Variants in CDH20 observed in about 807,000 individuals in gnomAD.
CDH20 encodes cadherin 20, also known as cadherin-20.
Under a neutral mutation model 74.2 loss-of-function variants are expected in CDH20, and 29 were observed. The observed-to-expected ratio is 0.39, with a 90% CI of 0.29 to 0.53. The LOEUF (loss-of-function observed/expected upper bound fraction) is 0.53. Ranked by LOEUF, CDH20 falls within the 20% of genes least tolerant of loss-of-function variation. CDH20 has a pLI of 0.69. For synonymous variants in CDH20, 469 were observed against 405.4 expected (o/e 1.16, Z -1.88); for missense variants, 988 against 1,048.3 (o/e 0.94, Z 0.79).
intron 1 of CDH20, among the ~76,000 whole-genome samples, chr18:61,431,163 C>A (rs1235093935): frequency 6.6e-6 from 1 of 152,144 alleles, no homozygotes; most frequent in African/African-American, 2.4e-5. Context: ...TGCCTTCCTG[C>A]AACCTCCCCT....
chr18:61,354,567 C>T lies in CDH20; in HGVS notation c.-153+20740C>T, dbSNP rs974770715. Among the ~76,000 whole-genome samples the T allele has an allele frequency of 3.3e-5, 5 of 152,010 alleles. No individual in the cohort carries two copies. In the East Asian group the frequency reaches 9.7e-4, roughly 29 times the overall value. On this transcript the variant is annotated intron_variant, in intron 1 of 11. Coordinates refer to ENST00000262717, the MANE Select transcript of CDH20 (RefSeq NM_031891.4). ...GAGGTTGTAGTGAGCCGAAATAGCA[C>T]CACTGCACTCCAGACTGGGCGACAG... is the stretch of plus-strand genomic sequence containing the variant.
chr18:61,370,958 A>G (rs1191626060), intron 1 of CDH20, among the ~76,000 whole-genome samples: 2 of 152,114 alleles, frequency 1.3e-5, no homozygotes, highest in Non-Finnish European at 1.5e-5. Context: ...TAGACTAGGC[A>G]TGTAGCCCCT....
chr18:61,546,587 G>C (rs928064667), intron 10 of CDH20, among the ~76,000 whole-genome samples: 6 of 152,020 alleles, frequency 3.9e-5, no homozygotes, highest in Non-Finnish European at 7.3e-5. Flanking sequence ...GGCAACCCTG[G>C]GGAGGGAAAA....
chr18:61,505,719 G>A (rs1412964316), intron 5 of CDH20, among the ~76,000 whole-genome samples: 3 of 152,174 alleles, frequency 2.0e-5, no homozygotes, highest in African/African-American at 7.2e-5. Flanking sequence ...GAGACTCCAG[G>A]ATAGAGTGGA....
intron 10 of CDH20, among the ~76,000 whole-genome samples, chr18:61,545,710 T>C (rs1913225411): frequency 6.6e-6 from 1 of 152,024 alleles, no homozygotes; most frequent in Non-Finnish European, 1.5e-5. Flanking sequence ...CAGGAAACAG[T>C]AAAAAGCTCT....
At chr18:61,425,801 G>T (rs1297966556) in intron 1 of CDH20, among the ~76,000 whole-genome samples, 1 of 151,998 alleles carries the variant, frequency 6.6e-6, no homozygotes, top group African/African-American at 2.4e-5. Flanking sequence ...AACCACTAAA[G>T]AACTTATCCA....
intron 1 of CDH20, among the ~76,000 whole-genome samples, chr18:61,384,409 G>A (rs1911530469): frequency 6.6e-6 from 1 of 152,120 alleles, no homozygotes; most frequent in African/African-American, 2.4e-5. Flanking sequence ...TCTGAAGGTA[G>A]AAAGAAATGC....
rs968940086 is a variant in CDH20 at position 61,554,903 on chromosome 18, T to G, written c.*208T>G. 11 of 1,378,722 alleles carry G rather than the reference T, an allele frequency of 8.0e-6. No homozygotes were observed. The Admixed American group carries it at 3.0e-4, about 38-fold the overall frequency. The allele number at this position is 1,378,722 out of a possible 1,614,324, so 85.4% of individuals were successfully genotyped here. Reference sequence around the variant, plus strand: ...AACCCAGAAGGAAGAGGGCAGAATCTTTAATTACCTTTTTTTCTTTTCTTT... The same window carrying G: ...AACCCAGAAGGAAGAGGGCAGAATCGTTAATTACCTTTTTTTCTTTTCTTT... On this transcript the variant is annotated 3_prime_UTR_variant, in exon 12 of 12. Transcript: ENST00000262717.
At chr18:61,484,904 C>A (rs1297231553) in intron 1 of CDH20, among the ~76,000 whole-genome samples, 1 of 152,056 alleles carries the variant, frequency 6.6e-6, no homozygotes, top group Non-Finnish European at 1.5e-5. Context: ...GTCTCATTTA[C>A]AAAACAGCAC....
chr18:61,393,828 G>A (rs1444419175), intron 1 of CDH20, among the ~76,000 whole-genome samples: 2 of 152,080 alleles, frequency 1.3e-5, no homozygotes, highest in African/African-American at 4.8e-5. Flanking sequence ...AATGGGGCTG[G>A]ATGTGTGTTT....
chr18:61,501,997 T>C (rs1911400588), intron 4 of CDH20, among the ~76,000 whole-genome samples: 1 of 152,142 alleles, frequency 6.6e-6, no homozygotes, highest in Admixed American at 6.5e-5. Context: ...TGGAGAATGT[T>C]ATACTACAAT....
intron 2 of CDH20, among the ~76,000 whole-genome samples, chr18:61,495,546 C>A (rs888534583): frequency 2.0e-5 from 3 of 152,138 alleles, no homozygotes; most frequent in Non-Finnish European, 4.4e-5. Flanking sequence ...TGACTTGCTC[C>A]TCATCACACC....
rs1312802382 is a variant in CDH20 at position 61,428,048 on chromosome 18, A to G, written c.-152-62354A>G. Among the ~76,000 whole-genome samples, 2 of 152,208 alleles carry G rather than the reference A, an allele frequency of 1.3e-5. 1 individual carries two copies. Among genetic ancestry groups the G allele is most frequent in the Non-Finnish European group, 2.9e-5 (2 of 68,040 alleles). ...TTACACTCTAGATGGGAGGATAAAA[A>G]TACATCAAATGCTGTAAGATTGGCA... On this transcript the variant is annotated intron_variant, in intron 1 of 11. Transcript: ENST00000262717.
intron 9 of CDH20, 24 bp downstream of exon 9, chr18:61,539,169 A>T: frequency 6.2e-7 from 1 of 1,611,238 alleles, no homozygotes; most frequent in Middle Eastern, 1.7e-4. Flanking sequence ...TGGGTGGTGC[A>T]CTCTGCTTAA....
chr18:61,553,125 T>C (rs1014659328), intron 11 of CDH20, among the ~76,000 whole-genome samples: 1 of 152,208 alleles, frequency 6.6e-6, no homozygotes, highest in African/African-American at 2.4e-5. Context: ...TTTTAAATCA[T>C]TGTTGTGAGT....
At chr18:61,380,585 G>A (rs1911401431) in intron 1 of CDH20, among the ~76,000 whole-genome samples, 1 of 152,164 alleles carries the variant, frequency 6.6e-6, no homozygotes, top group African/African-American at 2.4e-5. Flanking sequence ...TGAGGTGGGT[G>A]GATCACCTGA....
At chr18:61,487,464 GTAGAAA>G (rs1363103121) in intron 1 of CDH20, among the ~76,000 whole-genome samples, 1 of 152,200 alleles carries the variant, frequency 6.6e-6, no homozygotes, top group Non-Finnish European at 1.5e-5. Flanking sequence ...CCCTAAGGAA[GTAGAAA>G]TAAAGTGCTT....
intron 11 of CDH20, among the ~76,000 whole-genome samples, chr18:61,552,412 G>C (rs1345115836): frequency 6.6e-6 from 1 of 150,760 alleles, no homozygotes; most frequent in African/African-American, 2.4e-5. Flanking sequence ...AAAAAAAAAA[G>C]ACATGTAGCT....
At chr18:61,374,179 C>G (rs192936389) in intron 1 of CDH20, among the ~76,000 whole-genome samples, 1 of 152,160 alleles carries the variant, frequency 6.6e-6, no homozygotes, top group East Asian at 1.9e-4. Flanking sequence ...TACCCAGTCT[C>G]CATCATTAAA....
Sources: allele counts gnomAD v4.1 joint callset (sites outside exome capture counted in the v4.1 genomes callset), GRCh38; gene constraint gnomAD v4.1.1; transcripts MANE v1.5; gene names NCBI Gene and HGNC (gene_info 2026-07-23, HGNC 2026-07-21).